Variants in HEATR5A observed in about 807,000 individuals in gnomAD.
The protein encoded by HEATR5A is HEAT repeat containing 5A.
Under a neutral mutation model 218.8 loss-of-function variants are expected in HEATR5A, and 178 were observed. That is an observed-to-expected ratio of 0.81 (90% CI 0.72 to 0.92). The LOEUF (loss-of-function observed/expected upper bound fraction) is 0.92. Among genes scored for constraint, HEATR5A ranks in the 40% least tolerant of loss-of-function variants. HEATR5A has a pLI of 0.00. For synonymous variants in HEATR5A, 864 were observed against 871.6 expected (o/e 0.99, Z 0.15); for missense variants, 2,420 against 2,418.9 (o/e 1.00, Z -0.01).
chr14:31,385,743 T>C (rs941648306), intron 9 of HEATR5A, among the ~76,000 whole-genome samples: 3 of 151,732 alleles, frequency 2.0e-5, no homozygotes, highest in Admixed American at 6.5e-5. Flanking sequence ...TCTTTTTTTG[T>C]TTTTTGAGAC....
chr14:31,343,770 G>T, intron 21 of HEATR5A, 126 bp downstream of exon 21: 1 of 655,574 alleles, frequency 1.5e-6, no homozygotes, highest in Admixed American at 4.0e-5. Context: ...TAGAACTGAG[G>T]GGAAATAGCT....
intron 27 of HEATR5A, among the ~76,000 whole-genome samples, chr14:31,313,851 T>C (rs1338322393): frequency 6.6e-6 from 1 of 152,334 alleles, no homozygotes; most frequent in East Asian, 1.9e-4. Flanking sequence ...TTCCCAGATA[T>C]ATATTGGTCA....
intron 20 of HEATR5A, among the ~76,000 whole-genome samples, chr14:31,344,773 T>G (rs192987527): frequency 2.2e-3 from 13 of 5,958 alleles, no homozygotes; most frequent in African/African-American, 3.3e-3. Context: ...AGTATGCAAT[T>G]TGAACAGCTC....
chr14:31,292,603 G>C lies in HEATR5A; in HGVS notation c.*702C>G, dbSNP rs1301989572. Reference sequence around the variant, plus strand: ...GCAGAATTTTTTTTTTTTTTTTTTAGATGGAGTCTCACTCTGTCGCCCAGG... The same window carrying C: ...GCAGAATTTTTTTTTTTTTTTTTTACATGGAGTCTCACTCTGTCGCCCAGG... On this transcript the variant is annotated 3_prime_UTR_variant, in exon 36 of 36. Transcript: ENST00000543095. 7.0e-6 allele frequency: 1 copy of C among 142,456 alleles called. No individual in the cohort carries two copies. Among genetic ancestry groups the C allele is most frequent in the Admixed American group, 7.0e-5 (1 of 14,334 alleles). The allele number at this position is 142,456 out of a possible 1,614,324, so 8.8% of individuals were successfully genotyped here. A position where few individuals can be genotyped will look rare whatever the true frequency, so the allele number is the denominator to read the frequency against.
intron 12 of HEATR5A, among the ~76,000 whole-genome samples, chr14:31,372,961 G>A (rs1267076851): frequency 7.3e-6 from 1 of 137,820 alleles, no homozygotes; most frequent in African/African-American, 2.7e-5. Flanking sequence ...GACCCTTTGA[G>A]ACAGAATCTC....
At chr14:31,304,613 C>A (rs913090487) in intron 32 of HEATR5A, among the ~76,000 whole-genome samples, 2 of 152,128 alleles carry the variant, frequency 1.3e-5, no homozygotes, top group Non-Finnish European at 2.9e-5. Flanking sequence ...GATGGGGTTT[C>A]ACCATGTTGG....
intron 24 of HEATR5A, among the ~76,000 whole-genome samples, chr14:31,323,012 T>C (rs1056073994): frequency 2.0e-5 from 3 of 152,144 alleles, no homozygotes; most frequent in Non-Finnish European, 4.4e-5. Context: ...AAATGTTTTT[T>C]AGTTAATATC....
intron 6 of HEATR5A, among the ~76,000 whole-genome samples, chr14:31,390,830 T>C (rs542120294): frequency 1.6e-3 from 248 of 150,876 alleles, no homozygotes; most frequent in South Asian, 9.3e-3. Context: ...CTTTTTATTG[T>C]TATTTTAAAA....
At chr14:31,415,414 A>T (rs1007039007) in intron 1 of HEATR5A, among the ~76,000 whole-genome samples, 6 of 152,248 alleles carry the variant, frequency 3.9e-5, no homozygotes, top group Non-Finnish European at 7.3e-5. Context: ...TGTCTGGAGC[A>T]GCACTCTGTA....
intron 14 of HEATR5A, among the ~76,000 whole-genome samples, chr14:31,361,923 G>A (rs557099223): frequency 1.3e-5 from 2 of 151,852 alleles, no homozygotes; most frequent in South Asian, 2.1e-4. Flanking sequence ...ACACATTGGA[G>A]GAACCAATAA....
intron 16 of HEATR5A, among the ~76,000 whole-genome samples, chr14:31,355,633 C>T (rs763322426): frequency 1.3e-5 from 2 of 151,960 alleles, no homozygotes; most frequent in African/African-American, 2.4e-5. Context: ...ACTTGGGAGG[C>T]TGAGGCAGGA....
chr14:31,312,833 GGT>G, intron 28 of HEATR5A, 133 bp downstream of exon 28: 1 of 677,990 alleles, frequency 1.5e-6, no homozygotes, highest in Non-Finnish European at 2.5e-6. Context: ...AGGAGGCAGA[GGT>G]TGCAGTGAGC....
Position 31,402,870 on chromosome 14 carries a change from G to C in HEATR5A, c.106C>G (p.Leu36Val). 2.0e-6 allele frequency: 3 copies of C among 1,536,528 alleles called. No individual in the cohort carries two copies. The highest frequency in any genetic ancestry group is 2.6e-6 in the Non-Finnish European group (3 of 1,146,936). Residue 36 changes from leucine (L) to valine (V), a missense_variant, in exon 2 of 36, where the codon CTC becomes GTC. By Grantham distance (32) the Leu-to-Val change is conservative. Coordinates refer to ENST00000543095, the MANE Select transcript of HEATR5A (RefSeq NM_015473.4). ...CCCACCCTGCTGGTTGCCAACAAGAGCTTCTCCAAGTATCTCAACCACTCA... is the reference window on the plus strand; with the variant it reads ...CCCACCCTGCTGGTTGCCAACAAGACCTTCTCCAAGTATCTCAACCACTCA... ...IFEWLRYLEK[L>V]LLATSRNDVR... is the part of the protein sequence containing the mutation.
chr14:31,389,545 G>T (rs1236825092), intron 6 of HEATR5A, among the ~76,000 whole-genome samples: 1 of 152,112 alleles, frequency 6.6e-6, no homozygotes, highest in Non-Finnish European at 1.5e-5. Flanking sequence ...CTACTCAGTT[G>T]GCTCTTAGGC....
chr14:31,380,016 T>C (rs770328568), intron 11 of HEATR5A, among the ~76,000 whole-genome samples: 1 of 152,220 alleles, frequency 6.6e-6, no homozygotes, highest in Non-Finnish European at 1.5e-5. Context: ...TTTTAATAAA[T>C]ATAATTTAAG....
intron 25 of HEATR5A, 21 bp from the exon 26 acceptor site, chr14:31,318,313 A>G (rs745328512): frequency 1.1e-5 from 17 of 1,596,880 alleles, no homozygotes; most frequent in Non-Finnish European, 1.4e-5. Context: ...ATTACATGAC[A>G]TATCAAACAT....
intron 1 of HEATR5A, among the ~76,000 whole-genome samples, chr14:31,406,784 CCTGTCT>C (rs1397299026): frequency 6.6e-6 from 1 of 151,834 alleles, no homozygotes; most frequent in Non-Finnish European, 1.5e-5. Context: ...ATGGTGAAAC[CCTGTCT>C]CTACCAAAAA....
chr14:31,331,913 T>C (rs1003551979), intron 22 of HEATR5A, among the ~76,000 whole-genome samples: 14 of 152,074 alleles, frequency 9.2e-5, no homozygotes, highest in African/African-American at 3.1e-4. Flanking sequence ...CCCAACTAGG[T>C]CCCTCCCTCA....
chr14:31,352,893 T>C (rs1009751544), intron 16 of HEATR5A, among the ~76,000 whole-genome samples: 15 of 151,896 alleles, frequency 9.9e-5, no homozygotes, highest in South Asian at 2.1e-4. Context: ...AGAGTGGAGG[T>C]TGCAGTGAGC....
Sources: gnomAD v4.1 joint callset for allele counts (sites outside exome capture counted in the v4.1 genomes callset) on GRCh38, gnomAD v4.1.1 for gene constraint, MANE v1.5 for transcripts, NCBI Gene and HGNC (gene_info 2026-07-23, HGNC 2026-07-21) for gene names.